TP53BP1: variants seen among roughly 807,000 people sequenced by gnomAD.
TP53BP1 encodes the protein TP53-binding protein 1.
In TP53BP1, 61 loss-of-function variants were observed where a neutral mutation model predicts 200.8. The observed-to-expected ratio is 0.30, with a 90% CI of 0.25 to 0.38. The LOEUF (loss-of-function observed/expected upper bound fraction) is 0.38, where lower values mean the gene tolerates loss of function less well. Ranked by LOEUF, TP53BP1 falls within the 10% of genes least tolerant of loss-of-function variation. TP53BP1 has a pLI of 1.00. For missense variants in TP53BP1, 2,144 were observed against 2,371.9 expected (o/e 0.90, Z 2.00); for synonymous variants, 822 against 844.3 (o/e 0.97, Z 0.46).
chr15:43,421,880 A>C lies in TP53BP1; in HGVS notation c.4075T>G (p.Ser1359Ala), dbSNP rs1465720869. The change falls in exon 19 of 28, where the codon TCC becomes GCC. Residue 1359 changes from serine (S) to alanine (A), a missense_variant. Coordinates refer to ENST00000382044, the MANE Select transcript of TP53BP1 (RefSeq NM_001141980.3). ...TEPADFALPS[S>A]RGGPGKLSPR... Reference sequence around the variant, plus strand: ...CTCAGTTTTCCTGGGCCTCCTCGGGAGCTGGGTAAGGCAAAATCTGCGGGT... The same window carrying C: ...CTCAGTTTTCCTGGGCCTCCTCGGGCGCTGGGTAAGGCAAAATCTGCGGGT... 4.3e-6 allele frequency: 7 copies of C among 1,613,900 alleles called. No individual in the cohort carries two copies. Among genetic ancestry groups the C allele is most frequent in the Non-Finnish European group, 5.9e-6 (7 of 1,180,028 alleles).
intron 16 of TP53BP1, among the ~76,000 whole-genome samples, chr15:43,434,826 TA>T (rs941065380): frequency 1.1e-4 from 17 of 152,222 alleles, no homozygotes; most frequent in Non-Finnish European, 2.2e-4. Flanking sequence ...TTATTCAGGT[TA>T]GAATACCTGA....
rs575507047 is a variant in TP53BP1, at chr15:43,403,643, C to G, written c.*3740G>C. On this transcript the variant is annotated 3_prime_UTR_variant, in exon 28 of 28. Coordinates refer to ENST00000382044, the MANE Select transcript of TP53BP1 (RefSeq NM_001141980.3). ...TAACACTTTAACTTCATGGATGTACCTTCCTTCCTTTCCTAATGCCAACTC... is the reference window on the plus strand; with the variant it reads ...TAACACTTTAACTTCATGGATGTACGTTCCTTCCTTTCCTAATGCCAACTC... The G allele has an allele frequency of 6.2e-5, 88 of 1,430,376 alleles. 2 individuals are homozygous for G. The Admixed American group carries it at 1.5e-3, about 24-fold the overall frequency. The allele number at this position is 1,430,376 out of a possible 1,614,324, so 88.6% of individuals were successfully genotyped here. A position where few individuals can be genotyped will look rare whatever the true frequency, so the allele number is the denominator to read the frequency against.
chr15:43,407,346 C>T lies in TP53BP1; in HGVS notation c.*37G>A, dbSNP rs778921711. 48 of 1,591,660 alleles carry T rather than the reference C, an allele frequency of 3.0e-5. No individual in the cohort carries two copies. Among genetic ancestry groups the T allele is most frequent in the Non-Finnish European group, 3.8e-5 (44 of 1,161,726 alleles). ...AAACCTGGTTAAAACACAATCTCCA[C>T]GATAGCAGGGAATAAAACCAGTAAG... is the stretch of plus-strand genomic sequence containing the variant. On this transcript the variant is annotated 3_prime_UTR_variant, in exon 28 of 28. Coordinates refer to ENST00000382044, the MANE Select transcript of TP53BP1 (RefSeq NM_001141980.3).
At chr15:43,420,150 T>G (rs2045361122) in intron 21 of TP53BP1, among the ~76,000 whole-genome samples, 155 bp downstream of exon 21, 1 of 152,140 alleles carries the variant, frequency 6.6e-6, no homozygotes, top group African/African-American at 2.4e-5. Flanking sequence ...AACAGAAAAG[T>G]CAGTGGCAAG....
chr15:43,500,826 A>C (rs1252829328), intron 1 of TP53BP1, among the ~76,000 whole-genome samples: 2 of 151,728 alleles, frequency 1.3e-5, no homozygotes, highest in Non-Finnish European at 2.9e-5. Context: ...GTCTCAAAGA[A>C]ATAAAATAAA....
At chr15:43,438,296 CA>C (rs748438047) in intron 16 of TP53BP1, 27 bp downstream of exon 16, 2 of 1,603,038 alleles carry the variant, frequency 1.2e-6, no homozygotes, top group South Asian at 1.1e-5. Flanking sequence ...CAATGGAGCC[CA>C]AAAGATTCTA....
Position 43,432,635 on chromosome 15 carries a change from C to A in TP53BP1, c.3234G>T (p.Glu1078Asp). ...LHFPSSQGEE[E>D]KEKLEGDHTI... ...TATGGTCACCCTCCAATTTTTCTTTCTCCTCTTCTCCTTGAGAACTTGGAA... is the reference window on the plus strand; with the variant it reads ...TATGGTCACCCTCCAATTTTTCTTTATCCTCTTCTCCTTGAGAACTTGGAA... Residue 1078 changes from glutamate (E) to aspartate (D), a missense_variant, in exon 17 of 28, where the codon GAG becomes GAT. By Grantham distance (45) the Glu-to-Asp change is conservative. Coordinates refer to ENST00000382044, the MANE Select transcript of TP53BP1 (RefSeq NM_001141980.3). 1 of 1,609,446 alleles carries A rather than the reference C, an allele frequency of 6.2e-7. No individual in the cohort carries two copies. Among genetic ancestry groups the A allele is most frequent in the Non-Finnish European group, 8.5e-7 (1 of 1,176,630 alleles).
At chr15:43,432,827 G>A (rs1255072220) in intron 16 of TP53BP1, 150 bp from the exon 17 acceptor site, 3 of 801,892 alleles carry the variant, frequency 3.7e-6, no homozygotes, top group Non-Finnish European at 5.7e-6. Context: ...AAGTCAGGTA[G>A]TCAAGCATTA....
In TP53BP1 at chr15:43,492,310, G is replaced by A; in HGVS notation, c.166C>T (p.Gln56Ter). Residue 56 changes from glutamine (Q) to a stop codon, truncating the protein, a stop_gained, in exon 2 of 28, where the codon CAG (glutamine) becomes TAG (stop). Transcript: ENST00000382044. LOFTEE classifies it high-confidence loss of function. ...SMLSRHLPNLQTHKENPVLDV... is the reference protein window; with the variant it reads ...SMLSRHLPNL Reference sequence around the variant, plus strand: ...AACACAGGATTTTCTTTGTGCGTCTGGAGATTAGGAAGGTGTCGAGATAGC... The same window carrying A: ...AACACAGGATTTTCTTTGTGCGTCTAGAGATTAGGAAGGTGTCGAGATAGC... The A allele has an allele frequency of 6.2e-7, 1 of 1,614,064 alleles. No homozygotes were observed. Among genetic ancestry groups the A allele is most frequent in the Non-Finnish European group, 8.5e-7 (1 of 1,179,990 alleles).
chr15:43,482,699 C>T (rs565590462), intron 4 of TP53BP1, among the ~76,000 whole-genome samples: 4 of 151,946 alleles, frequency 2.6e-5, no homozygotes, highest in Non-Finnish European at 5.9e-5. Flanking sequence ...ACCTGGGAAT[C>T]GGAGGTTGCA....
intron 11 of TP53BP1, among the ~76,000 whole-genome samples, chr15:43,467,138 C>G (rs1358589663): frequency 1.3e-5 from 2 of 151,780 alleles, no homozygotes; most frequent in African/African-American, 2.4e-5. Flanking sequence ...ACTGCAGCCT[C>G]AACTTCCCAG....
chr15:43,406,440 G>GC lies in TP53BP1; in HGVS notation c.*942dup, dbSNP rs1237335085. On this transcript the variant is annotated 3_prime_UTR_variant, in exon 28 of 28. Transcript: ENST00000382044. ...CTGGAGCAGGAGCTGGCAAACTATG[G>GC]CCTGCTGTCTGTTTTTGTACAGTTT... The GC allele has an allele frequency of 5.7e-6, 2 of 349,930 alleles. No individual in the cohort carries two copies. The highest frequency in any genetic ancestry group is 4.3e-5 in the African/African-American group (2 of 46,710). 21.7% of individuals were successfully genotyped at this position (349,930 alleles called of 1,614,324 possible).
In TP53BP1 at chr15:43,446,555, T is replaced by G. The variant is rs553255272; in HGVS notation, c.2872A>C (p.Ser958Arg). 6.2e-7 allele frequency: 1 copy of G among 1,614,122 alleles called. No homozygotes were observed. Among genetic ancestry groups the G allele is most frequent in the South Asian group, 1.1e-5 (1 of 91,086 alleles). ...ACCATGCTTTCAGACATGACATCACTGGTTGCTATGGTGCTTTCTGGATAG... is the reference window on the plus strand; with the variant it reads ...ACCATGCTTTCAGACATGACATCACGGGTTGCTATGGTGCTTTCTGGATAG... ...SNYPESTIAT[S>R]DVMSESMVET... The change falls in exon 14 of 28, where the codon AGT becomes CGT. Residue 958 changes from serine to arginine, a missense_variant. This residue lies in a region of TP53BP1 where 1,700 missense variants were observed against 1,710.3 expected (regional missense o/e 0.99). Coordinates refer to ENST00000382044, the MANE Select transcript of TP53BP1 (RefSeq NM_001141980.3).
intron 26 of TP53BP1, 55 bp from the exon 27 acceptor site, chr15:43,408,143 C>T: frequency 1.3e-6 from 2 of 1,568,060 alleles, no homozygotes; most frequent in Non-Finnish European, 1.7e-6. Context: ...CAACAAACTG[C>T]CTTTCTGCAA....
chr15:43,427,914 G>T (rs563201329), intron 18 of TP53BP1, 102 bp downstream of exon 18: 3 of 802,546 alleles, frequency 3.7e-6, no homozygotes, highest in Non-Finnish European at 3.8e-6. Context: ...ACAAAATCAC[G>T]CAACTGCATT....
chr15:43,468,335 A>T (rs1250973262), intron 11 of TP53BP1, among the ~76,000 whole-genome samples: 2 of 152,108 alleles, frequency 1.3e-5, no homozygotes, highest in Non-Finnish European at 2.9e-5. Flanking sequence ...GCTTGAGCCC[A>T]AGAGTTTAAG....
rs2045589438 is a variant in TP53BP1, at chr15:43,428,076, A to G, written c.3768T>C (p.Thr1256=). Residue 1256 remains threonine, a synonymous_variant, in exon 18 of 28, where the codon ACT becomes ACC. Transcript: ENST00000382044. The part of the protein sequence containing the change: ...RTIREVRTLV[T]RVITDVYYVD... ...CATAATACACATCTGTAATGACACG[A>G]GTGACAAGTGTGCGTACTTCCCGGA... 6.2e-7 allele frequency: 1 copy of G among 1,613,144 alleles called. No homozygotes were observed.
chr15:43,496,622 C>CTT (rs201302525), upstream of TP53BP1, among the ~76,000 whole-genome samples: 10 of 135,160 alleles, frequency 7.4e-5, no homozygotes, highest in African/African-American at 1.4e-4. Flanking sequence ...TCATATATTC[C>CTT]TTTTTTTTTT....
intron 14 of TP53BP1, among the ~76,000 whole-genome samples, chr15:43,442,755 C>T (rs1432334816): frequency 1.3e-5 from 2 of 151,006 alleles, no homozygotes; most frequent in African/African-American, 4.9e-5. Context: ...GCCTCAGGTT[C>T]CCAAAGTGTG....
Sources: gnomAD v4.1 joint callset for allele counts (sites outside exome capture counted in the v4.1 genomes callset) on GRCh38, gnomAD v4.1.1 for gene constraint, gnomAD v4.1.1 regional missense constraint, MANE v1.5 for transcripts, NCBI Gene and HGNC (gene_info 2026-07-23, HGNC 2026-07-21) for gene names.